LTBP1: variants seen among roughly 807,000 people sequenced by gnomAD.
LTBP1 encodes latent transforming growth factor beta binding protein 1.
LTBP1 carries 129 observed loss-of-function variants against 207.6 expected under a neutral mutation model. The observed-to-expected ratio is 0.62, with a 90% CI of 0.54 to 0.72. The LOEUF (loss-of-function observed/expected upper bound fraction) is 0.72, where lower values mean the gene tolerates loss of function less well. Among genes scored for constraint, LTBP1 ranks in the 30% least tolerant of loss-of-function variants. The pLI, the probability that LTBP1 is intolerant of heterozygous loss-of-function variation, is 0.00. For synonymous variants in LTBP1, 963 were observed against 833.7 expected, an observed-to-expected ratio of 1.16 and a Z score of -2.67; for missense variants, 2,281 against 2,217.2, an observed-to-expected ratio of 1.03 and a Z score of -0.58.
intron 7 of LTBP1, 44 bp from the exon 8 acceptor site, chr2:33,217,508 C>A: frequency 7.2e-7 from 1 of 1,387,748 alleles, no homozygotes; most frequent in Non-Finnish European, 1.0e-6. Flanking sequence ...GGCTGGGCAT[C>A]CTGCACTCAA....
At chr2:33,029,375 G>A (rs763063291) in intron 3 of LTBP1, among the ~76,000 whole-genome samples, 7 of 152,204 alleles carry the variant, frequency 4.6e-5, no homozygotes, top group Non-Finnish European at 8.8e-5. Context: ...TACTCAGGAG[G>A]CAGAGGCAGG....
intron 2 of LTBP1, among the ~76,000 whole-genome samples, chr2:32,978,535 C>T (rs1056857900): frequency 6.6e-6 from 1 of 152,030 alleles, no homozygotes; most frequent in African/African-American, 2.4e-5. Context: ...ATCCTTGCAA[C>T]CCCGGGATAA....
chr2:33,101,618 C>T (rs1352420718), intron 3 of LTBP1, among the ~76,000 whole-genome samples: 1 of 152,186 alleles, frequency 6.6e-6, no homozygotes, highest in African/African-American at 2.4e-5. Flanking sequence ...TCGTGATTGG[C>T]ATTTCCCCAA....
Position 32,966,675 on chromosome 2 carries a change from G to C in LTBP1, c.565+17730G>C, listed in dbSNP as rs149121538. 3.0e-3 allele frequency among the ~76,000 whole-genome samples: 456 copies of C among 152,210 alleles called. 5 individuals carry two copies. The highest frequency in any genetic ancestry group is 0.011 in the African/African-American group (437 of 41,554). On this transcript the variant is annotated intron_variant, in intron 2 of 33. Coordinates refer to ENST00000404816, the MANE Select transcript of LTBP1 (RefSeq NM_206943.4). Reference sequence around the variant, plus strand: ...TCTTCTTTAGGTTGTTGATGTGATGGATTATGTTGATATTTGAATGTTAGA... The same window carrying C: ...TCTTCTTTAGGTTGTTGATGTGATGCATTATGTTGATATTTGAATGTTAGA...
intron 20 of LTBP1, 35 bp downstream of exon 20, chr2:33,293,317 A>G: frequency 6.3e-7 from 1 of 1,577,408 alleles, no homozygotes; most frequent in Non-Finnish European, 8.6e-7. Flanking sequence ...ATTTTTATTT[A>G]AACTTCATTT....
chr2:33,203,285 CA>C (rs1190595780), intron 7 of LTBP1, among the ~76,000 whole-genome samples: 12 of 152,180 alleles, frequency 7.9e-5, no homozygotes, highest in Non-Finnish European at 5.9e-5. Flanking sequence ...TCAGCAGAGA[CA>C]GGGGTAAGAT....
chr2:33,071,458 G>T (rs1327091443), intron 3 of LTBP1, among the ~76,000 whole-genome samples: 1 of 152,186 alleles, frequency 6.6e-6, no homozygotes, highest in Non-Finnish European at 1.5e-5. Context: ...CAAGAATCTG[G>T]ACTACCAGGC....
intron 2 of LTBP1, among the ~76,000 whole-genome samples, chr2:33,015,342 G>A (rs1688230837): frequency 6.6e-6 from 1 of 152,170 alleles, no homozygotes; most frequent in African/African-American, 2.4e-5. Flanking sequence ...TGCAAGTGTA[G>A]ATGTTACCAT....
At chr2:33,280,279 C>G (rs1291045085) in intron 19 of LTBP1, 121 bp downstream of exon 19, 2 of 1,018,612 alleles carry the variant, frequency 2.0e-6, no homozygotes, top group African/African-American at 1.7e-5. Flanking sequence ...TTACATCATT[C>G]TAAGAAAAGT....
intron 3 of LTBP1, among the ~76,000 whole-genome samples, chr2:33,053,902 T>A (rs953427059): frequency 9.2e-5 from 14 of 152,156 alleles, no homozygotes; most frequent in Admixed American, 9.2e-4. Flanking sequence ...AGGACCAGAG[T>A]GCCTGGACTT....
At chr2:32,964,564 A>G (rs916606509) in intron 2 of LTBP1, among the ~76,000 whole-genome samples, 2 of 152,148 alleles carry the variant, frequency 1.3e-5, no homozygotes, top group African/African-American at 4.8e-5. Flanking sequence ...TCCCAGTGCC[A>G]GTAGCATGTA....
intron 7 of LTBP1, among the ~76,000 whole-genome samples, chr2:33,208,550 A>G (rs2090048928): frequency 1.3e-5 from 2 of 152,116 alleles, no homozygotes; most frequent in African/African-American, 4.8e-5. Context: ...TCAGGGTATG[A>G]GGATACCACC....
intron 9 of LTBP1, among the ~76,000 whole-genome samples, chr2:33,232,015 A>C (rs2091817912): frequency 6.6e-6 from 1 of 152,168 alleles, no homozygotes; most frequent in Non-Finnish European, 1.5e-5. Flanking sequence ...TCAACTCTGA[A>C]AATAAGGAAA....
At chr2:32,962,193 C>T (rs1027517144) in intron 2 of LTBP1, among the ~76,000 whole-genome samples, 16 of 152,096 alleles carry the variant, frequency 1.1e-4, no homozygotes, top group Admixed American at 3.3e-4. Flanking sequence ...TGGTACACCT[C>T]CTAGAAGTTG....
chr2:33,106,734 A>G (rs988977897), intron 3 of LTBP1, among the ~76,000 whole-genome samples: 1 of 152,076 alleles, frequency 6.6e-6, no homozygotes, highest in African/African-American at 2.4e-5. Flanking sequence ...GGCAGAGTAG[A>G]TTTAGCATAA....
chr2:33,172,074 C>T lies in LTBP1; in HGVS notation c.1202-14782C>T, dbSNP rs865828517. ...AATCATGCCAAATTGTAAAGACCAT[C>T]GAGGCTAGGAAGAAACTGCATCAAC... On this transcript the variant is annotated intron_variant, in intron 5 of 33. Transcript: ENST00000404816. 2.0e-3 allele frequency among the ~76,000 whole-genome samples: 305 copies of T among 152,136 alleles called. 1 individual carries two copies. Among genetic ancestry groups the T allele is most frequent in the East Asian group, 0.011 (57 of 5,174 alleles).
At chr2:33,235,643 G>C (rs549023541) in intron 9 of LTBP1, among the ~76,000 whole-genome samples, 6 of 152,182 alleles carry the variant, frequency 3.9e-5, no homozygotes, top group Admixed American at 1.3e-4. Flanking sequence ...GCAAAGACTT[G>C]GAACCAACCC....
chr2:32,985,143 G>A (rs1345866767), intron 2 of LTBP1, among the ~76,000 whole-genome samples: 4 of 152,106 alleles, frequency 2.6e-5, no homozygotes, highest in Non-Finnish European at 5.9e-5. Context: ...AACATAGAAG[G>A]TCAAATCTGT....
intron 19 of LTBP1, among the ~76,000 whole-genome samples, chr2:33,286,861 C>T (rs981528713): frequency 6.6e-6 from 1 of 152,246 alleles, no homozygotes. Flanking sequence ...TGTTCTCACT[C>T]ATAGGTGGGA....
Sources: allele counts gnomAD v4.1 joint callset (sites outside exome capture counted in the v4.1 genomes callset), GRCh38; gene constraint gnomAD v4.1.1; transcripts MANE v1.5; gene names NCBI Gene and HGNC (gene_info 2026-07-23, HGNC 2026-07-21).